The following AGA variants were observed in gnomAD, a reference collection of about 807,000 sequenced individuals.
AGA encodes the protein N(4)-(beta-N-acetylglucosaminyl)-L-asparaginase.
Under a neutral mutation model 40.1 loss-of-function variants are expected in AGA, and 31 were observed. The ratio of observed to expected loss-of-function variants is 0.77; its 90% CI spans 0.58 to 1.04. AGA has a LOEUF of 1.04. AGA is among the 50% of genes least tolerant of loss of function. The pLI is 0.00. For missense variants in AGA, 445 were observed against 435.4 expected, an observed-to-expected ratio of 1.02 and a Z score of -0.20; for synonymous variants, 148 against 144.0, an observed-to-expected ratio of 1.03 and a Z score of -0.20.
chr4:177,442,166 G>C lies in AGA; in HGVS notation c.127+83C>G, dbSNP rs1049964107. On this transcript the variant is annotated intron_variant, in intron 1 of 8. Coordinates refer to ENST00000264595, the MANE Select transcript of AGA (RefSeq NM_000027.4). ...CCGGCGCTCTTCCGTCCGCCCTGCC[G>C]GGTGACTGCAGCGGGGCGGGCTAGT... 3.0e-5 allele frequency: 48 copies of C among 1,583,552 alleles called. 1 individual carries two copies. The highest frequency in any genetic ancestry group is 2.1e-4 in the South Asian group (19 of 88,738).
chr4:177,441,145 C>G (rs527339166), intron 1 of AGA, among the ~76,000 whole-genome samples: 1 of 152,250 alleles, frequency 6.6e-6, no homozygotes, highest in Non-Finnish European at 1.5e-5. Flanking sequence ...AGTGGGTGCT[C>G]TGGTTGGTAA....
rs562442577 is a variant in AGA, at chr4:177,440,595, T to C, written c.128-169A>G. Among the ~76,000 whole-genome samples, 19 of 152,212 alleles carry C rather than the reference T, an allele frequency of 1.2e-4. No homozygotes were observed. The South Asian group carries it at 3.9e-3, about 32-fold the overall frequency. On this transcript the variant is annotated intron_variant, in intron 1 of 8. Transcript: ENST00000264595. The stretch of plus-strand genomic sequence containing the variant: ...CAAAGGAGTCAGTGAAGAGTCAAAA[T>C]TATTTAACTAGTTATCAGAAGAACT...
At position 177,433,231 on chromosome 4, in the gene AGA, T is replaced by C. The variant is rs371221470; in HGVS notation, c.923A>G (p.Asn308Ser). 104 of 1,614,098 alleles carry C rather than the reference T, an allele frequency of 6.4e-5. No homozygotes were observed. In the Admixed American group the frequency reaches 6.7e-4, roughly 10 times the overall value. ...CAACTTACCGTAACTTCCAGTCACATTGGCACATATAACAGCCCCAAAGAA... is the reference window on the plus strand; with the variant it reads ...CAACTTACCGTAACTTCCAGTCACACTGGCACATATAACAGCCCCAAAGAA... ...PEFFGAVICA[N>S]VTGSYGAACN... The change falls in exon 8 of 9, where the codon AAT (asparagine) becomes AGT (serine). Residue 308 changes from asparagine (N) to serine (S), a missense_variant. By Grantham distance (46) the Asn-to-Ser change is conservative. Transcript: ENST00000264595.
chr4:177,440,314 A>G lies in AGA; in HGVS notation c.240T>C (p.Asp80=). 6.2e-7 allele frequency: 1 copy of G among 1,614,048 alleles called. No individual in the cohort carries two copies. ...CATCTAGTGTGGTTTCTCCAAGTTCATCAGGACTTCCTCCAAAGCCTACAG... is the reference window on the plus strand; with the variant it reads ...CATCTAGTGTGGTTTCTCCAAGTTCGTCAGGACTTCCTCCAAAGCCTACAG... The part of the protein sequence containing the change: ...DGSVGFGGSP[D]ELGETTLDAM... The change falls in exon 2 of 9, where the codon GAT becomes GAC. Residue 80 remains aspartate, a synonymous_variant. Transcript: ENST00000264595.
At position 177,435,820 on chromosome 4, in the gene AGA, C is replaced by A. The variant is rs147001073; in HGVS notation, c.698+456G>T. 1.6e-3 allele frequency among the ~76,000 whole-genome samples: 230 copies of A among 148,380 alleles called. 1 individual carries two copies. Among genetic ancestry groups the A allele is most frequent in the African/African-American group, 5.3e-3 (212 of 40,196 alleles). The stretch of plus-strand genomic sequence containing the variant: ...CACGCACACATACACACACACACCC[C>A]TTCTTTCCAAGCCAGTAGTTCTGCG... On this transcript the variant is annotated intron_variant, in intron 6 of 8. Coordinates refer to ENST00000264595, the MANE Select transcript of AGA (RefSeq NM_000027.4).
chr4:177,432,515 G>A (rs191072420), intron 8 of AGA, among the ~76,000 whole-genome samples: 207 of 152,126 alleles, frequency 1.4e-3, no homozygotes, highest in African/African-American at 4.7e-3. Flanking sequence ...GCTTAAAAAA[G>A]AATAAAGCAT....
chr4:177,434,880 G>A (rs1027023132), intron 6 of AGA, among the ~76,000 whole-genome samples: 9 of 149,990 alleles, frequency 6.0e-5, no homozygotes, highest in Non-Finnish European at 1.3e-4. Context: ...ACAATAGAGT[G>A]CACATTTGAA....
rs770570725 is a variant in AGA at position 177,434,425 on chromosome 4, C to T, written c.763G>A (p.Ala255Thr). Reference sequence around the variant, plus strand: ...AATATATCACCATTCCCAGTGGCTGCGGCTGCCCCTGCAGTATCGTCAGCA... The same window carrying T: ...AATATATCACCATTCCCAGTGGCTGTGGCTGCCCCTGCAGTATCGTCAGCA... ...AYADDTAGAA[A>T]ATGNGDILMR... The change falls in exon 7 of 9, where the codon GCA (alanine) becomes ACA (threonine). Residue 255 changes from alanine (A) to threonine (T), a missense_variant. Coordinates refer to ENST00000264595, the MANE Select transcript of AGA (RefSeq NM_000027.4). The T allele has an allele frequency of 3.3e-5, 53 of 1,613,856 alleles. No homozygotes were observed. The highest frequency in any genetic ancestry group is 1.6e-4 in the Middle Eastern group (1 of 6,084).
Position 177,431,420 on chromosome 4 carries a change from G to C in AGA, c.*288C>G, listed in dbSNP as rs1052605973. ...CACTGTGGAAATAAATCTCAAAGTA[G>C]CAATTTTTTGCAACACTGATCAGAA... On this transcript the variant is annotated 3_prime_UTR_variant, in exon 9 of 9. Coordinates refer to ENST00000264595, the MANE Select transcript of AGA (RefSeq NM_000027.4). The C allele has an allele frequency of 2.2e-6, 1 of 452,184 alleles. No individual in the cohort carries two copies. Among genetic ancestry groups the C allele is most frequent in the Admixed American group, 3.1e-5 (1 of 31,820 alleles). 28.0% of individuals were successfully genotyped at this position (452,184 alleles called of 1,614,324 possible).
At chr4:177,434,335 AT>A in intron 7 of AGA, 46 bp downstream of exon 7, 2 of 1,551,538 alleles carry the variant, frequency 1.3e-6, no homozygotes. Context: ...AAAGAAAAAA[AT>A]ATCTTCTCCA....
chr4:177,435,347 A>G (rs538804222), intron 6 of AGA, among the ~76,000 whole-genome samples: 25 of 152,244 alleles, frequency 1.6e-4, no homozygotes, highest in Non-Finnish European at 3.5e-4. Flanking sequence ...ACAAATACAC[A>G]TAATTTTCAT....
chr4:177,438,994 G>C, intron 3 of AGA, 137 bp from the exon 4 acceptor site: 1 of 714,722 alleles, frequency 1.4e-6, no homozygotes, highest in Non-Finnish European at 2.6e-6. Context: ...ATTCACACAT[G>C]AACAGTTTTA....
chr4:177,437,612 CA>C, intron 4 of AGA, 93 bp from the exon 5 acceptor site: 9 of 780,434 alleles, frequency 1.2e-5, no homozygotes, highest in South Asian at 1.6e-5. Flanking sequence ...AGCAAGAAAC[CA>C]AAAAAAGACA....
chr4:177,442,138 AG>A, intron 1 of AGA, 110 bp downstream of exon 1: 1 of 1,499,176 alleles, frequency 6.7e-7, no homozygotes, highest in Non-Finnish European at 9.0e-7. Flanking sequence ...GGCCCGGCCC[AG>A]CCCGGCGCTC....
intron 6 of AGA, among the ~76,000 whole-genome samples, 179 bp downstream of exon 6, chr4:177,436,097 T>C (rs1484566726): frequency 2.6e-5 from 4 of 152,118 alleles, no homozygotes; most frequent in African/African-American, 9.7e-5. Flanking sequence ...CTAAACCCTA[T>C]AGCACTGGCT....
chr4:177,437,388 C>G lies in AGA; in HGVS notation c.622+17G>C, dbSNP rs374565717. 1 of 1,539,732 alleles carries G rather than the reference C, an allele frequency of 6.5e-7. No homozygotes were observed. Among genetic ancestry groups the G allele is most frequent in the African/African-American group, 1.4e-5 (1 of 73,424 alleles). On this transcript the variant is annotated intron_variant, in intron 5 of 8. Transcript: ENST00000264595. The stretch of plus-strand genomic sequence containing the variant: ...AACTAAACTTTATCCATAAAAACTG[C>G]ACAAAAGGCAAATTACCAATAGTGT...
intron 6 of AGA, 31 bp from the exon 7 acceptor site, chr4:177,434,520 G>A (rs775528463): frequency 1.9e-6 from 3 of 1,557,290 alleles, no homozygotes; most frequent in Non-Finnish European, 1.8e-6. Context: ...TTTACGGCAG[G>A]AAATCGAGTG....
At chr4:177,441,921 A>T (rs1487220497) in intron 1 of AGA, among the ~76,000 whole-genome samples, 1 of 152,240 alleles carries the variant, frequency 6.6e-6, no homozygotes, top group African/African-American at 2.4e-5. Context: ...AAAGACTGTC[A>T]GGCAGAAAAG....
chr4:177,434,237 A>AC, intron 7 of AGA, 145 bp downstream of exon 7: 1 of 741,822 alleles, frequency 1.3e-6, no homozygotes. Flanking sequence ...TCCTGACCTC[A>AC]GGTGATCCAC....
Sources: gnomAD v4.1 joint callset for allele counts (sites outside exome capture counted in the v4.1 genomes callset) on GRCh38, gnomAD v4.1.1 for gene constraint, MANE v1.5 for transcripts, NCBI Gene and HGNC (gene_info 2026-07-23, HGNC 2026-07-21) for gene names.